NALCN: variants seen among roughly 807,000 people sequenced by gnomAD.
NALCN encodes the protein sodium leak channel NALCN.
In NALCN, 111 loss-of-function variants were observed where a neutral mutation model predicts 225.3. That is an observed-to-expected ratio of 0.49 (90% confidence interval 0.42 to 0.58). The LOEUF is 0.58. NALCN is among the 20% of genes least tolerant of loss of function. NALCN has a pLI of 0.00. For missense variants in NALCN, 1,378 were observed against 2,202.4 expected, an observed-to-expected ratio of 0.63 and a Z score of 7.49; for synonymous variants, 764 against 769.0, an observed-to-expected ratio of 0.99 and a Z score of 0.11.
At chr13:101,416,059 G>A (rs1482757862) in intron 1 of NALCN, among the ~76,000 whole-genome samples, 4 of 152,050 alleles carry the variant, frequency 2.6e-5, no homozygotes, top group African/African-American at 9.6e-5. Context: ...GGCGCATCGC[G>A]GCTCCCGCGC....
intron 13 of NALCN, among the ~76,000 whole-genome samples, chr13:101,214,783 G>A (rs1353736398): frequency 1.3e-5 from 2 of 152,082 alleles, no homozygotes; most frequent in East Asian, 1.9e-4. Context: ...TGAGATACTT[G>A]AGCAAAGCTA....
chr13:101,196,001 TG>T (rs1352796134), intron 13 of NALCN, among the ~76,000 whole-genome samples: 7 of 152,198 alleles, frequency 4.6e-5, no homozygotes, highest in Non-Finnish European at 1.0e-4. Context: ...ATGTTTCCTA[TG>T]AAAACATTGC....
chr13:101,380,227 T>TCA (rs1234660595), intron 3 of NALCN, among the ~76,000 whole-genome samples: 3 of 145,064 alleles, frequency 2.1e-5, no homozygotes. Flanking sequence ...AAAATAGAAT[T>TCA]CAAGACTAAC....
Position 101,324,568 on chromosome 13 carries a change from T to C in NALCN, c.799+20698A>G, listed in dbSNP as rs950022173. On this transcript the variant is annotated intron_variant, in intron 7 of 43. Transcript: ENST00000251127. ...TGTGAATGGGAGTTCACTCATGATT[T>C]GGCTCTCTGTCTGTTATTGGTGTAT... is the stretch of plus-strand genomic sequence containing the variant. Among the ~76,000 whole-genome samples the C allele has an allele frequency of 3.9e-5, 6 of 152,314 alleles. No homozygotes were observed. In the Middle Eastern group the frequency reaches 0.01, roughly 259 times the overall value.
At chr13:101,381,944 C>T (rs1324079192) in intron 3 of NALCN, among the ~76,000 whole-genome samples, 7 of 151,620 alleles carry the variant, frequency 4.6e-5, no homozygotes, top group African/African-American at 9.7e-5. Context: ...ATTCCAAAAA[C>T]GAAAACTGAA....
chr13:101,156,441 C>T (rs766114037), intron 15 of NALCN, among the ~76,000 whole-genome samples: 7 of 152,144 alleles, frequency 4.6e-5, no homozygotes, highest in Non-Finnish European at 8.8e-5. Flanking sequence ...TATACTAACT[C>T]ATGTACACAC....
At chr13:101,175,874 G>A (rs986270596) in intron 15 of NALCN, among the ~76,000 whole-genome samples, 10 of 152,106 alleles carry the variant, frequency 6.6e-5, no homozygotes, top group African/African-American at 2.4e-4. Context: ...TACTCACTAT[G>A]GGCACCCAGA....
At chr13:101,058,414 G>A in intron 42 of NALCN, 2 of 199,480 alleles carry the variant, frequency 1.0e-5, no homozygotes, top group Non-Finnish European at 1.0e-5. Flanking sequence ...AGTGGGGACG[G>A]GCTGGGCGGG....
intron 7 of NALCN, among the ~76,000 whole-genome samples, chr13:101,333,597 G>C (rs1196698551): frequency 6.6e-6 from 1 of 152,206 alleles, no homozygotes; most frequent in Admixed American, 6.5e-5. Flanking sequence ...TACCTCTTCA[G>C]CAGGGTTTTG....
At chr13:101,380,154 T>C (rs1468543349) in intron 3 of NALCN, among the ~76,000 whole-genome samples, 1 of 151,914 alleles carries the variant, frequency 6.6e-6, no homozygotes, top group Non-Finnish European at 1.5e-5. Flanking sequence ...ACATAAAACA[T>C]CTCTCAGAAA....
rs79512372 is a variant in NALCN, at chr13:101,208,642, G to A, written c.1627-16588C>T. ...CAGTGTTGGAGGTGGGGCCTGCTGGGAGGTGTTTAGGTCACGGGGCAGCTG... is the reference window on the plus strand; with the variant it reads ...CAGTGTTGGAGGTGGGGCCTGCTGGAAGGTGTTTAGGTCACGGGGCAGCTG... On this transcript the variant is annotated intron_variant, in intron 13 of 43. Coordinates refer to ENST00000251127, the MANE Select transcript of NALCN (RefSeq NM_052867.4). Among the ~76,000 whole-genome samples the A allele has an allele frequency of 4.7e-3, 720 of 152,306 alleles. 8 individuals carry two copies. Among genetic ancestry groups the A allele is most frequent in the African/African-American group, 0.017 (701 of 41,564 alleles).
At chr13:101,085,873 C>G (rs2033905439) in intron 30 of NALCN, among the ~76,000 whole-genome samples, 2 of 152,090 alleles carry the variant, frequency 1.3e-5, no homozygotes, top group Non-Finnish European at 2.9e-5. Context: ...TACATCAATA[C>G]AATCAATACT....
At chr13:101,062,625 T>A (rs976746483) in intron 40 of NALCN, among the ~76,000 whole-genome samples, 1 of 152,152 alleles carries the variant, frequency 6.6e-6, no homozygotes, top group African/African-American at 2.4e-5. Flanking sequence ...TTTTTTGAGA[T>A]GGAGCTTCAC....
At chr13:101,107,878 T>C (rs2035221882) in intron 20 of NALCN, 89 bp from the exon 21 acceptor site, 2 of 765,316 alleles carry the variant, frequency 2.6e-6, no homozygotes, top group African/African-American at 1.8e-5. Flanking sequence ...AACTAATATC[T>C]CCCTCAATAT....
intron 15 of NALCN, among the ~76,000 whole-genome samples, chr13:101,171,217 AT>A (rs1594357804): frequency 6.7e-6 from 1 of 149,850 alleles, no homozygotes; most frequent in Admixed American, 6.7e-5. Flanking sequence ...AAAAAATATA[AT>A]TTTTATATAC....
chr13:101,272,369 GT>G lies in NALCN; in HGVS notation c.1134+11563del, dbSNP rs2042824268. Among the ~76,000 whole-genome samples, 3 of 152,330 alleles carry G rather than the reference GT, an allele frequency of 2.0e-5. No individual in the cohort carries two copies. In the South Asian group the frequency reaches 6.2e-4, roughly 32 times the overall value. On this transcript the variant is annotated intron_variant, in intron 10 of 43. Transcript: ENST00000251127. ...GGGAGAGTAAGAATTTGGGTCTGCT[GT>G]GTGTGAGGCTATGTTTTCTGCACGT...
intron 13 of NALCN, among the ~76,000 whole-genome samples, chr13:101,210,554 T>C (rs2040485667): frequency 6.6e-6 from 1 of 152,180 alleles, no homozygotes; most frequent in South Asian, 2.1e-4. Context: ...GTCTGGAAAG[T>C]CGCAAAAGAC....
At chr13:101,123,359 G>A (rs2036071870) in intron 18 of NALCN, among the ~76,000 whole-genome samples, 1 of 152,204 alleles carries the variant, frequency 6.6e-6, no homozygotes, top group South Asian at 2.1e-4. Context: ...GAGTGGATCA[G>A]CCTTGCTGTA....
At chr13:101,076,530 A>G (rs1228459703) in intron 34 of NALCN, among the ~76,000 whole-genome samples, 1 of 152,240 alleles carries the variant, frequency 6.6e-6, no homozygotes, top group East Asian at 1.9e-4. Flanking sequence ...TATAACTGCA[A>G]TAACAACCTT....
Sources: allele counts gnomAD v4.1 joint callset (sites outside exome capture counted in the v4.1 genomes callset), GRCh38; gene constraint gnomAD v4.1.1; transcripts MANE v1.5; gene names NCBI Gene and HGNC (gene_info 2026-07-23, HGNC 2026-07-21).